Variants in MAEL observed in about 807,000 individuals in gnomAD.
The protein encoded by MAEL is protein maelstrom homolog.
A neutral mutation model predicts 62.0 loss-of-function variants in MAEL; 46 were observed. That is an observed-to-expected ratio of 0.74 (90% CI 0.59 to 0.95). The LOEUF (loss-of-function observed/expected upper bound fraction) is 0.95, where lower values mean the gene tolerates loss of function less well. MAEL is among the 40% of genes least tolerant of loss of function. MAEL has a pLI of 0.00. For synonymous variants in MAEL, 172 were observed against 175.5 expected, an observed-to-expected ratio of 0.98 and a Z score of 0.16; for missense variants, 497 against 526.8, an observed-to-expected ratio of 0.94 and a Z score of 0.55.
In MAEL at chr1:167,021,748, A is replaced by G. The variant is rs1335168881; in HGVS notation, c.1198A>G (p.Ile400Val). 1.9e-6 allele frequency: 3 copies of G among 1,613,574 alleles called. No individual in the cohort carries two copies. The highest frequency in any genetic ancestry group is 2.5e-6 in the Non-Finnish European group (3 of 1,179,730). ...AGGAATTACCCGCTTACTAGAGAGC[A>G]TTTCCAATTCTTCCAGCAATATCCA... ...GRGITRLLESISNSSSNIHKF... is the reference protein window; with the variant it reads ...GRGITRLLESVSNSSSNIHKF... Residue 400 changes from isoleucine (I) to valine (V), a missense_variant, in exon 12 of 12, where the codon ATT becomes GTT. Coordinates refer to ENST00000367872, the MANE Select transcript of MAEL (RefSeq NM_032858.3).
chr1:167,014,700 A>T (rs1665310965), intron 8 of MAEL, among the ~76,000 whole-genome samples: 1 of 152,158 alleles, frequency 6.6e-6, no homozygotes, highest in East Asian at 1.9e-4. Context: ...GACCTTTCCA[A>T]TAAAAAATGG....
At chr1:167,003,450 AG>A (rs1207936124) in intron 5 of MAEL, among the ~76,000 whole-genome samples, 1 of 152,122 alleles carries the variant, frequency 6.6e-6, no homozygotes, top group African/African-American at 2.4e-5. Context: ...ATGATTTCAG[AG>A]TCATTTGAGA....
chr1:167,000,382 A>G (rs780953475), intron 5 of MAEL, among the ~76,000 whole-genome samples: 1 of 152,206 alleles, frequency 6.6e-6, no homozygotes, highest in Admixed American at 6.6e-5. Flanking sequence ...AGAGAACTAG[A>G]ATTAGAAATG....
intron 1 of MAEL, 62 bp downstream of exon 1, chr1:166,989,546 G>A: frequency 1.3e-6 from 2 of 1,553,128 alleles, no homozygotes; most frequent in Admixed American, 1.9e-5. Flanking sequence ...AGGGTGAGGC[G>A]GGAGGGCAGA....
chr1:166,993,070 A>C (rs1664262085), intron 4 of MAEL, among the ~76,000 whole-genome samples: 2 of 152,180 alleles, frequency 1.3e-5, no homozygotes, highest in Admixed American at 1.3e-4. Context: ...AGATGGATAG[A>C]CTATCTGAAC....
chr1:167,000,690 C>T (rs1274989718), intron 5 of MAEL, among the ~76,000 whole-genome samples: 1 of 152,178 alleles, frequency 6.6e-6, no homozygotes. Flanking sequence ...GTGTGTCAAA[C>T]TTCATTGTTT....
intron 4 of MAEL, 151 bp downstream of exon 4, chr1:166,992,992 G>C (rs1664259698): frequency 2.9e-6 from 2 of 681,560 alleles, no homozygotes; most frequent in Non-Finnish European, 2.2e-6. Flanking sequence ...TTGAAAAACT[G>C]TTAGGAATTA....
At chr1:166,992,969 T>G (rs1664258639) in intron 4 of MAEL, 128 bp downstream of exon 4, 2 of 755,322 alleles carry the variant, frequency 2.6e-6, no homozygotes, top group Non-Finnish European at 3.9e-6. Context: ...GTAACAAGAC[T>G]TCATAATGCT....
At chr1:166,983,281 A>G (rs983704221) in intron 1 of MAEL, among the ~76,000 whole-genome samples, 1 of 152,010 alleles carries the variant, frequency 6.6e-6, no homozygotes, top group Admixed American at 6.6e-5. Context: ...CTTTCTTCCT[A>G]CTTTTTCACA....
intron 8 of MAEL, among the ~76,000 whole-genome samples, chr1:167,014,495 A>C (rs1432305374): frequency 6.6e-6 from 1 of 152,208 alleles, no homozygotes; most frequent in Admixed American, 6.5e-5. Flanking sequence ...TAGTGTGAAG[A>C]TACTAGTCAT....
chr1:166,977,860 A>G (rs1317843951), intron 1 of MAEL, among the ~76,000 whole-genome samples: 2 of 152,198 alleles, frequency 1.3e-5, no homozygotes, highest in Admixed American at 6.5e-5. Context: ...CTAAGATGGG[A>G]GGACCACTTG....
intron 8 of MAEL, among the ~76,000 whole-genome samples, chr1:167,007,200 T>G (rs1426591481): frequency 6.6e-6 from 1 of 152,116 alleles, no homozygotes; most frequent in African/African-American, 2.4e-5. Context: ...CATGGACTCA[T>G]GGATTCCTAT....
At chr1:167,017,012 A>G (rs189204161) in intron 9 of MAEL, among the ~76,000 whole-genome samples, 50 of 152,252 alleles carry the variant, frequency 3.3e-4, no homozygotes, top group Non-Finnish European at 4.7e-4. Context: ...GTGAGGGGGA[A>G]GTGAAGATTG....
At chr1:166,986,945 C>CGTGTGTGTGTGTGTGTGT (rs58393275), upstream of MAEL, among the ~76,000 whole-genome samples, 20 of 147,124 alleles carry the variant, frequency 1.4e-4, no homozygotes, top group Admixed American at 1.1e-3. Flanking sequence ...AGGAAGGGGA[C>CGTGTGTGTGTGTGTGTGT]GTGTGTGTGT....
intron 6 of MAEL, 24 bp from the exon 7 acceptor site, chr1:167,005,051 GT>G: frequency 6.2e-7 from 1 of 1,607,092 alleles, no homozygotes. Flanking sequence ...TTTTTGTTTT[GT>G]TTTTTGTTTT....
At chr1:167,020,374 C>A (rs766436360) in intron 10 of MAEL, among the ~76,000 whole-genome samples, 41 of 152,246 alleles carry the variant, frequency 2.7e-4, no homozygotes, top group Non-Finnish European at 4.9e-4. Flanking sequence ...TCCTCCTATG[C>A]CTGTGACACT....
chr1:166,999,488 T>G (rs1664570969), intron 5 of MAEL, among the ~76,000 whole-genome samples: 1 of 152,220 alleles, frequency 6.6e-6, no homozygotes, highest in Non-Finnish European at 1.5e-5. Context: ...AGAATAAAAG[T>G]CTGAAGTTTG....
chr1:167,003,744 C>G (rs1255669476), intron 5 of MAEL, among the ~76,000 whole-genome samples: 2 of 152,118 alleles, frequency 1.3e-5, no homozygotes, highest in Admixed American at 1.3e-4. Flanking sequence ...GTCTAAATTA[C>G]TTGGTCTTTT....
chr1:167,018,072 A>C, intron 10 of MAEL, 113 bp downstream of exon 10: 1 of 987,772 alleles, frequency 1.0e-6, no homozygotes. Flanking sequence ...CTCCCCTTAA[A>C]CATTATTTTG....
Sources: allele counts gnomAD v4.1 joint callset (sites outside exome capture counted in the v4.1 genomes callset), GRCh38; gene constraint gnomAD v4.1.1; transcripts MANE v1.5; gene names NCBI Gene and HGNC (gene_info 2026-07-23, HGNC 2026-07-21).